The following ZFAND3 variants were observed in gnomAD, a reference collection of about 807,000 sequenced individuals.
ZFAND3 encodes AN1-type zinc finger protein 3.
A neutral mutation model predicts 29.6 loss-of-function variants in ZFAND3; 10 were observed. The observed-to-expected ratio is 0.34, with a 90% confidence interval of 0.21 to 0.57. ZFAND3 has a LOEUF of 0.57. Ranked by LOEUF, ZFAND3 falls within the 20% of genes least tolerant of loss-of-function variation. The probability of loss-of-function intolerance (pLI) is 0.86; values close to 1 mark genes in which losing one functional copy is unlikely to be tolerated. For synonymous variants in ZFAND3, 128 were observed against 112.6 expected (o/e 1.14, Z -0.87); for missense variants, 230 against 304.5 (o/e 0.76, Z 1.82).
chr6:37,841,683 C>G (rs1244355932), intron 1 of ZFAND3, among the ~76,000 whole-genome samples: 3 of 152,154 alleles, frequency 2.0e-5, no homozygotes, highest in African/African-American at 7.2e-5. Context: ...CGGGGTTTCA[C>G]TGTGTTAGCC....
intron 1 of ZFAND3, among the ~76,000 whole-genome samples, chr6:37,895,853 G>A (rs148597623): frequency 8.1e-4 from 123 of 152,252 alleles, no homozygotes; most frequent in Non-Finnish European, 1.6e-3. Flanking sequence ...AGGCTGTGGT[G>A]TACCAAATCA....
intron 2 of ZFAND3, among the ~76,000 whole-genome samples, chr6:38,057,806 A>C (rs1764159395): frequency 6.6e-6 from 1 of 152,174 alleles, no homozygotes; most frequent in Non-Finnish European, 1.5e-5. Context: ...TGAATTTTTA[A>C]AGCCATTACA....
At chr6:37,961,386 T>C (rs1762192882) in intron 2 of ZFAND3, among the ~76,000 whole-genome samples, 1 of 152,210 alleles carries the variant, frequency 6.6e-6, no homozygotes, top group Non-Finnish European at 1.5e-5. Flanking sequence ...AGTCTCTGGC[T>C]CCAGGATAGC....
At chr6:38,085,528 C>T (rs1320058102) in intron 4 of ZFAND3, among the ~76,000 whole-genome samples, 1 of 152,184 alleles carries the variant, frequency 6.6e-6, no homozygotes, top group Non-Finnish European at 1.5e-5. Flanking sequence ...AGCTCTTTAT[C>T]TCAGCCTTAA....
intron 2 of ZFAND3, among the ~76,000 whole-genome samples, chr6:37,988,410 C>T (rs1762705846): frequency 6.6e-6 from 1 of 152,200 alleles, no homozygotes; most frequent in South Asian, 2.1e-4. Flanking sequence ...ACATCTATTG[C>T]AAACTTTTCC....
At chr6:37,919,191 AT>A (rs1374250627) in intron 1 of ZFAND3, among the ~76,000 whole-genome samples, 2 of 151,848 alleles carry the variant, frequency 1.3e-5, no homozygotes, top group Non-Finnish European at 2.9e-5. Flanking sequence ...TCACCTCATG[AT>A]CTGCCTTGGC....
chr6:38,102,048 C>T (rs532892928), intron 4 of ZFAND3, among the ~76,000 whole-genome samples: 2 of 152,274 alleles, frequency 1.3e-5, no homozygotes, highest in South Asian at 4.1e-4. Context: ...CCATCATTAG[C>T]AACTTGTCCT....
At chr6:37,885,405 G>A (rs2127393844) in intron 1 of ZFAND3, among the ~76,000 whole-genome samples, 1 of 152,222 alleles carries the variant, frequency 6.6e-6, no homozygotes, top group South Asian at 2.1e-4. Flanking sequence ...GCACTCTGGG[G>A]GGCTGTGGAG....
At chr6:38,023,168 G>C (rs1763382605) in intron 2 of ZFAND3, among the ~76,000 whole-genome samples, 1 of 152,172 alleles carries the variant, frequency 6.6e-6, no homozygotes, top group South Asian at 2.1e-4. Context: ...TCAGAAGAAA[G>C]CTAGCCAGAC....
At chr6:38,086,480 C>G (rs932021389) in intron 4 of ZFAND3, among the ~76,000 whole-genome samples, 12 of 152,174 alleles carry the variant, frequency 7.9e-5, no homozygotes, top group African/African-American at 2.7e-4. Flanking sequence ...CTTCAGATTA[C>G]TAGACAGAGT....
At chr6:37,993,317 ATTAT>A (rs376405008) in intron 2 of ZFAND3, among the ~76,000 whole-genome samples, 1 of 151,256 alleles carries the variant, frequency 6.6e-6, no homozygotes, top group African/African-American at 2.4e-5. Context: ...ATTTTATTTT[ATTAT>A]TTATTTATTT....
At chr6:37,836,422 A>G (rs1020006975) in intron 1 of ZFAND3, among the ~76,000 whole-genome samples, 3 of 152,202 alleles carry the variant, frequency 2.0e-5, no homozygotes, top group Admixed American at 6.5e-5. Context: ...TAGGAGGTAA[A>G]TCAGGTGAGT....
chr6:38,010,459 T>C (rs890164139), intron 2 of ZFAND3, among the ~76,000 whole-genome samples: 3 of 152,198 alleles, frequency 2.0e-5, no homozygotes, highest in African/African-American at 7.2e-5. Context: ...TATCTAACAC[T>C]GTCATTTTGA....
In ZFAND3 at chr6:37,939,724, G is replaced by A. The variant is rs550926901; in HGVS notation, c.112+9725G>A. Among the ~76,000 whole-genome samples, 5 of 152,118 alleles carry A rather than the reference G, an allele frequency of 3.3e-5. No individual in the cohort carries two copies. The East Asian group carries it at 5.8e-4, about 18-fold the overall frequency. The stretch of plus-strand genomic sequence containing the variant: ...TTGGCCTCTTTTCATGTAATTAGAC[G>A]ACCCTCTGTGACATGAAAAGTAGTA... On this transcript the variant is annotated intron_variant, in intron 2 of 5. Transcript: ENST00000287218.
intron 1 of ZFAND3, among the ~76,000 whole-genome samples, chr6:37,870,612 A>AAG (rs1428133002): frequency 3.3e-5 from 5 of 151,290 alleles, no homozygotes; most frequent in Non-Finnish European, 5.9e-5. Context: ...AAAAAAAAAA[A>AAG]AAAAAAGAGC....
intron 5 of ZFAND3, among the ~76,000 whole-genome samples, chr6:38,138,254 G>T (rs2127494071): frequency 6.6e-6 from 1 of 152,262 alleles, no homozygotes; most frequent in Non-Finnish European, 1.5e-5. Flanking sequence ...ATAGACAGTG[G>T]TGGTGGTTGC....
chr6:38,073,738 C>T (rs1363289597), intron 3 of ZFAND3, among the ~76,000 whole-genome samples: 1 of 152,088 alleles, frequency 6.6e-6, no homozygotes, highest in African/African-American at 2.4e-5. Context: ...TTGTCAGCAT[C>T]TTAACATATG....
At chr6:38,050,741 C>A in intron 2 of ZFAND3, among the ~76,000 whole-genome samples, 1 of 152,272 alleles carries the variant, frequency 6.6e-6, no homozygotes, top group East Asian at 1.9e-4. Context: ...CGGACTAATA[C>A]CCTGGGACTA....
intron 4 of ZFAND3, among the ~76,000 whole-genome samples, chr6:38,092,825 G>A (rs1202820292): frequency 1.3e-5 from 2 of 152,136 alleles, no homozygotes; most frequent in Admixed American, 6.5e-5. Flanking sequence ...AGGGCTTTCC[G>A]GTTTGATCCA....
Sources: gnomAD v4.1 joint callset for allele counts (sites outside exome capture counted in the v4.1 genomes callset) on GRCh38, gnomAD v4.1.1 for gene constraint, MANE v1.5 for transcripts, NCBI Gene and HGNC (gene_info 2026-07-23, HGNC 2026-07-21) for gene names.